Variants in ZNF34 observed in about 807,000 individuals in gnomAD.
ZNF34 encodes zinc finger protein 34, also known as zinc finger protein 34 (KOX 32).
ZNF34 carries 8 observed loss-of-function variants against 14.4 expected under a neutral mutation model. The ratio of observed to expected loss-of-function variants is 0.55; its 90% confidence interval spans 0.33 to 1.00. ZNF34 has a LOEUF of 1.00. Among genes scored for constraint, ZNF34 ranks in the 50% least tolerant of loss-of-function variants. The pLI is 0.03. For missense variants in ZNF34, 538 were observed against 674.2 expected, an observed-to-expected ratio of 0.80 and a Z score of 2.24; for synonymous variants, 235 against 247.9, an observed-to-expected ratio of 0.95 and a Z score of 0.49.
intron 2 of ZNF34, among the ~76,000 whole-genome samples, chr8:144,778,891 G>A (rs1411916977): frequency 2.0e-5 from 3 of 152,060 alleles, no homozygotes; most frequent in African/African-American, 7.2e-5. Flanking sequence ...CACCACCACT[G>A]TTGGTGGAAG....
At chr8:144,784,622 G>T (rs1398069041) in intron 1 of ZNF34, among the ~76,000 whole-genome samples, 1 of 151,924 alleles carries the variant, frequency 6.6e-6, no homozygotes, top group Non-Finnish European at 1.5e-5. Flanking sequence ...GCCGGGCGTG[G>T]TGGCGGGCAC....
chr8:144,783,365 C>T (rs932210078), intron 1 of ZNF34, among the ~76,000 whole-genome samples: 14 of 152,134 alleles, frequency 9.2e-5, no homozygotes, highest in African/African-American at 3.4e-4. Context: ...ATTCAACATC[C>T]TAGCCAAAGC....
chr8:144,781,166 A>AAAT (rs1563791174), intron 1 of ZNF34, among the ~76,000 whole-genome samples: 2 of 141,376 alleles, frequency 1.4e-5, no homozygotes, highest in Admixed American at 7.0e-5. Context: ...AATAAATAAA[A>AAAT]ATAAAAATAA....
Position 144,777,756 on chromosome 8 carries a change from C to T in ZNF34, c.161-179G>A, listed in dbSNP as rs975366555. Among the ~76,000 whole-genome samples, 3 of 152,068 alleles carry T rather than the reference C, an allele frequency of 2.0e-5. No homozygotes were observed. The highest frequency in any genetic ancestry group is 4.4e-5 in the Non-Finnish European group (3 of 67,974). Reference sequence around the variant, plus strand: ...AGTCCTGAGCATAAGGGAATGAGAGCTCAGGGGTTCCCTCCACTAGGAGGT... The same window carrying T: ...AGTCCTGAGCATAAGGGAATGAGAGTTCAGGGGTTCCCTCCACTAGGAGGT... On this transcript the variant is annotated intron_variant, in intron 4 of 5. Coordinates refer to ENST00000429371, the MANE Select transcript of ZNF34 (RefSeq NM_001286769.2). The surrounding 1 kb of genome is among the most constrained non-coding windows in gnomAD (Gnocchi z 4.8).
Position 144,774,264 on chromosome 8 carries a change from C to T in ZNF34, c.622G>A (p.Gly208Arg). 2 of 1,613,906 alleles carry T rather than the reference C, an allele frequency of 1.2e-6. No homozygotes were observed. Among genetic ancestry groups the T allele is most frequent in the Non-Finnish European group, 1.7e-6 (2 of 1,179,844 alleles). The change falls in exon 6 of 6, where the codon GGG becomes AGG. Residue 208 changes from glycine to arginine, a missense_variant. Physicochemically the swap from Gly to Arg is moderately radical, Grantham distance 125. This residue lies in a region of ZNF34 where 431 missense variants were observed against 525.7 expected (regional missense o/e 0.82). Coordinates refer to ENST00000429371, the MANE Select transcript of ZNF34 (RefSeq NM_001286769.2). ...SKKTNTVRNS[G>R]EIFSANLVVK... ...ACTAAGTTTGCACTGAAGATTTCCC[C>T]AGAGTTACGAACTGTATTTGTTTTT...
intron 1 of ZNF34, 91 bp from the exon 2 acceptor site, chr8:144,780,371 C>T (rs1482533710): frequency 5.1e-6 from 5 of 983,190 alleles, no homozygotes; most frequent in Non-Finnish European, 7.7e-6. Context: ...TATATCTTTT[C>T]TGTATCTTTA....
chr8:144,774,179 C>T lies in ZNF34; in HGVS notation c.707G>A (p.Gly236Glu). The stretch of plus-strand genomic sequence containing the variant: ...GTTGGCACTGTACCTGAATGTTTTC[C>T]CACAGTAACTGCAATAATGCAATTT... ...GKKLHYCSYC[G>E]KTFRYSANLV... is the part of the protein sequence containing the mutation. Residue 236 changes from glycine to glutamate, a missense_variant, in exon 6 of 6, where the codon GGG becomes GAG. Around this residue, in one of 3 missense-constraint regions of ZNF34, gnomAD observed 431 missense variants for 525.7 expected, o/e 0.82. Transcript: ENST00000429371. The T allele has an allele frequency of 1.9e-6, 3 of 1,613,918 alleles. No individual in the cohort carries two copies. Among genetic ancestry groups the T allele is most frequent in the Non-Finnish European group, 2.5e-6 (3 of 1,179,894 alleles).
At chr8:144,783,057 T>G (rs890575664) in intron 1 of ZNF34, among the ~76,000 whole-genome samples, 1 of 151,746 alleles carries the variant, frequency 6.6e-6, no homozygotes, top group African/African-American at 2.4e-5. Context: ...CCCCATACTT[T>G]GGGAGGCCAA....
chr8:144,783,698 G>C (rs1410010350), intron 1 of ZNF34, among the ~76,000 whole-genome samples: 2 of 152,126 alleles, frequency 1.3e-5, no homozygotes, highest in African/African-American at 4.8e-5. Flanking sequence ...CCTTAGAAAG[G>C]TCTATGGAGA....
At position 144,777,891 on chromosome 8, in the gene ZNF34, T is replaced by C; in HGVS notation, c.160+147A>G. The stretch of plus-strand genomic sequence containing the variant: ...ACTCAGGAAGGTCCCAGCACTGCTC[T>C]TCCCCTCATCTTCTCAGATCAGGTG... On this transcript the variant is annotated intron_variant, in intron 4 of 5. Coordinates refer to ENST00000429371, the MANE Select transcript of ZNF34 (RefSeq NM_001286769.2). The surrounding 1 kb of genome is among the most constrained non-coding windows in gnomAD (Gnocchi z 4.8). The C allele has an allele frequency of 7.9e-7, 1 of 1,261,106 alleles. No individual in the cohort carries two copies. Among genetic ancestry groups the C allele is most frequent in the East Asian group, 2.5e-5 (1 of 39,478 alleles). 78.1% of individuals were successfully genotyped at this position (1,261,106 alleles called of 1,614,324 possible). A position where few individuals can be genotyped will look rare whatever the true frequency, so the allele number is the denominator to read the frequency against.
At chr8:144,782,205 C>A (rs1159145073) in intron 1 of ZNF34, among the ~76,000 whole-genome samples, 3 of 152,114 alleles carry the variant, frequency 2.0e-5, no homozygotes, top group Non-Finnish European at 4.4e-5. Context: ...ACCTGTAATC[C>A]CAGCTACTCG....
chr8:144,784,763 AAT>A (rs1312981818), intron 1 of ZNF34, among the ~76,000 whole-genome samples: 1 of 151,986 alleles, frequency 6.6e-6, no homozygotes, highest in African/African-American at 2.4e-5. Flanking sequence ...GTCTCAAAAA[AAT>A]AAATAGAAAT....
Position 144,777,516 on chromosome 8 carries a change from G to A in ZNF34, c.222C>T (p.Pro74=), listed in dbSNP as rs958697793. 9 of 1,554,298 alleles carry A rather than the reference G, an allele frequency of 5.8e-6. No individual in the cohort carries two copies. Among genetic ancestry groups the A allele is most frequent in the Non-Finnish European group, 7.0e-6 (8 of 1,148,514 alleles). The change falls in exon 5 of 6, where the codon CCC becomes CCT. Residue 74 remains proline, a synonymous_variant. Coordinates refer to ENST00000429371, the MANE Select transcript of ZNF34 (RefSeq NM_001286769.2). The surrounding 1 kb of genome is among the most constrained non-coding windows in gnomAD (Gnocchi z 4.8). ...VISQLERGDE[P]WVLDVQGTSG... The stretch of plus-strand genomic sequence containing the variant: ...AGGTGCCCTGAACATCCAGGACCCA[G>A]GGCTCATCCCCTCGCTCCAACTGCG...
intron 1 of ZNF34, 76 bp downstream of exon 1, chr8:144,787,203 G>A (rs1294038586): frequency 3.3e-5 from 5 of 152,444 alleles, no homozygotes; most frequent in Admixed American, 6.5e-5. Context: ...CCGGGCACAG[G>A]GGCAACGCGC....
At chr8:144,776,911 C>CAAAAAAAAAAAAAAAAAAAAA (rs149216566) in intron 5 of ZNF34, among the ~76,000 whole-genome samples, 1 of 100,914 alleles carries the variant, frequency 9.9e-6, no homozygotes, top group Non-Finnish European at 2.0e-5. Flanking sequence ...GACCCTGTCT[C>CAAAAAAAAAAAAAAAAAAAAA]AAAAAAAAAA....
At chr8:144,774,701 C>T (rs930137221) in intron 5 of ZNF34, 96 bp from the exon 6 acceptor site, 3 of 1,445,656 alleles carry the variant, frequency 2.1e-6, no homozygotes, top group South Asian at 1.4e-5. Flanking sequence ...CCAATTTGAT[C>T]ATCTCCAAAG....
intron 1 of ZNF34, among the ~76,000 whole-genome samples, chr8:144,785,106 C>CAAAAAA (rs749277788): frequency 0.023 from 1,009 of 43,076 alleles, 14 homozygotes; most frequent in Middle Eastern, 0.036. Flanking sequence ...CAGACCCTGC[C>CAAAAAA]AAAAAAAAAA....
chr8:144,780,358 C>G (rs1034173871), intron 1 of ZNF34, 78 bp from the exon 2 acceptor site: 121 of 1,075,514 alleles, frequency 1.1e-4, no homozygotes, highest in Middle Eastern at 2.3e-4. Flanking sequence ...GCTGTGGTAG[C>G]TATATATCTT....
chr8:144,777,633 G>A lies in ZNF34; in HGVS notation c.161-56C>T. 6.5e-7 allele frequency: 1 copy of A among 1,539,164 alleles called. No individual in the cohort carries two copies. Among genetic ancestry groups the A allele is most frequent in the South Asian group, 1.2e-5 (1 of 83,352 alleles). On this transcript the variant is annotated intron_variant, in intron 4 of 5. Coordinates refer to ENST00000429371, the MANE Select transcript of ZNF34 (RefSeq NM_001286769.2). The surrounding 1 kb of genome is among the most constrained non-coding windows in gnomAD (Gnocchi z 4.8). ...CCAAGGACACAGGGCAGCACCTAGT[G>A]CTGTCTCACCCTGGGGCTGCAGGGT...
Sources: gnomAD v4.1 joint callset for allele counts (sites outside exome capture counted in the v4.1 genomes callset) on GRCh38, gnomAD v4.1.1 for gene constraint, gnomAD v4.1.1 regional missense constraint, Gnocchi (gnomAD v3.1) non-coding constraint, MANE v1.5 for transcripts, NCBI Gene and HGNC (gene_info 2026-07-23, HGNC 2026-07-21) for gene names.